Variants in TBC1D16 observed in about 807,000 individuals in gnomAD.
The protein encoded by TBC1D16 is TBC1 domain family member 16, also known as CTD-2529O21.1.
Under a neutral mutation model 74.7 loss-of-function variants are expected in TBC1D16, and 58 were observed. The ratio of observed to expected loss-of-function variants is 0.78; its 90% CI spans 0.63 to 0.97. The LOEUF is 0.97. Ranked by LOEUF, TBC1D16 falls within the 50% of genes least tolerant of loss-of-function variation. TBC1D16 has a pLI of 0.00. For synonymous variants in TBC1D16, 493 were observed against 474.7 expected (o/e 1.04, Z -0.50); for missense variants, 1,014 against 1,079.5 (o/e 0.94, Z 0.85).
At chr17:79,945,352 G>C (rs1038057582) in intron 9 of TBC1D16, among the ~76,000 whole-genome samples, 2 of 152,184 alleles carry the variant, frequency 1.3e-5, no homozygotes. Context: ...TGTTGTGCCC[G>C]GGCGTGGCAG....
chr17:79,964,396 T>C lies in TBC1D16; in HGVS notation c.780-11578A>G, dbSNP rs142642754. On this transcript the variant is annotated intron_variant, in intron 3 of 11. Transcript: ENST00000310924. ...CATTCTGTGAGTGATCTTTATACTC[T>C]GCTGATAGTATATTTTGATGCGCAC... Among the ~76,000 whole-genome samples, 1,443 of 152,374 alleles carry C rather than the reference T, an allele frequency of 9.5e-3. 20 individuals are homozygous for C. Among genetic ancestry groups the C allele is most frequent in the African/African-American group, 0.033 (1,360 of 41,580 alleles).
intron 4 of TBC1D16, chr17:79,952,261 A>G (rs1225141650): frequency 5.8e-6 from 1 of 173,062 alleles, no homozygotes; most frequent in Non-Finnish European, 1.2e-5. Flanking sequence ...ACCCATCACG[A>G]AAGGAAGGGA....
At chr17:79,945,835 C>G (rs866425300) in intron 9 of TBC1D16, among the ~76,000 whole-genome samples, 12 of 152,370 alleles carry the variant, frequency 7.9e-5, no homozygotes, top group African/African-American at 2.9e-4. Flanking sequence ...GTTCAGCCCC[C>G]CGGCCCAGGT....
intron 3 of TBC1D16, among the ~76,000 whole-genome samples, chr17:79,959,107 C>T (rs775569910): frequency 6.6e-6 from 1 of 152,172 alleles, no homozygotes; most frequent in African/African-American, 2.4e-5. Context: ...TAACAATGCA[C>T]AATTGGAACA....
intron 3 of TBC1D16, among the ~76,000 whole-genome samples, chr17:79,974,635 A>G (rs913883803): frequency 6.6e-5 from 10 of 152,196 alleles, no homozygotes; most frequent in African/African-American, 2.4e-4. Flanking sequence ...TATTGCAACT[A>G]AAAACCAAAA....
rs577579063 is a variant in TBC1D16, at chr17:80,000,220, C to T, written c.779+9940G>A. Among the ~76,000 whole-genome samples the T allele has an allele frequency of 1.8e-3, 267 of 152,250 alleles. 2 individuals are homozygous for T. Among genetic ancestry groups the T allele is most frequent in the African/African-American group, 6.0e-3 (251 of 41,536 alleles). On this transcript the variant is annotated intron_variant, in intron 3 of 11. Coordinates refer to ENST00000310924, the MANE Select transcript of TBC1D16 (RefSeq NM_019020.4). This position sits in a 1 kb window ranked among gnomAD's most constrained non-coding sequence, Gnocchi z 4.1. ...GCATATGCCGCGGTGAACAGTGCTC[C>T]CCCAAGATTCATGTCCACACAGAAG...
At chr17:80,029,721 A>G (rs2036709900) in intron 1 of TBC1D16, among the ~76,000 whole-genome samples, 1 of 152,208 alleles carries the variant, frequency 6.6e-6, no homozygotes, top group African/African-American at 2.4e-5. Flanking sequence ...GAAAGCCCTC[A>G]TTCCACGCGT....
rs1410973601 is a variant in TBC1D16 at position 79,975,660 on chromosome 17, A to G, written c.780-22842T>C. Among the ~76,000 whole-genome samples the G allele has an allele frequency of 3.9e-5, 6 of 152,098 alleles. No homozygotes were observed. In the East Asian group the frequency reaches 1.2e-3, roughly 29 times the overall value. On this transcript the variant is annotated intron_variant, in intron 3 of 11. Coordinates refer to ENST00000310924, the MANE Select transcript of TBC1D16 (RefSeq NM_019020.4). The surrounding 1 kb of genome is among the most constrained non-coding windows in gnomAD (Gnocchi z 4.5). The stretch of plus-strand genomic sequence containing the variant: ...GGTCCACCCTGAAGTGAAAAGACAA[A>G]TATCATTTTTCCTCCAGTTTGCAAC...
At chr17:79,943,413 GGGC>G (rs2032203853) in intron 10 of TBC1D16, among the ~76,000 whole-genome samples, 2 of 152,172 alleles carry the variant, frequency 1.3e-5, no homozygotes, top group Non-Finnish European at 2.9e-5. Flanking sequence ...AGGACAGGCA[GGGC>G]GTAGGGCCGT....
rs981988231 is a variant in TBC1D16, at chr17:79,983,703, C to T, written c.779+26457G>A. On this transcript the variant is annotated intron_variant, in intron 3 of 11. Coordinates refer to ENST00000310924, the MANE Select transcript of TBC1D16 (RefSeq NM_019020.4). This position sits in a 1 kb window ranked among gnomAD's most constrained non-coding sequence, Gnocchi z 5.6. ...GTGGTTCCTTCTGGAGACCGGGGCA[C>T]GGAACGACCAGACTGGGGAGGAAGG... 5.9e-5 allele frequency among the ~76,000 whole-genome samples: 9 copies of T among 152,110 alleles called. No homozygotes were observed. Among genetic ancestry groups the T allele is most frequent in the Admixed American group, 1.3e-4 (2 of 15,276 alleles).
At chr17:79,965,604 G>C (rs769519873) in intron 3 of TBC1D16, among the ~76,000 whole-genome samples, 1 of 152,110 alleles carries the variant, frequency 6.6e-6, no homozygotes, top group Non-Finnish European at 1.5e-5. Flanking sequence ...TAAGGAGACC[G>C]AGGCCAGGAA....
At position 79,933,908 on chromosome 17, in the gene TBC1D16, C is replaced by G. The variant is rs2031419512; in HGVS notation, c.*6951G>C. ...ATGAATGATGTGGAAGGAGCCAGAACAGGGCTGCAGACAGGATGCTCTCTC... is the reference window on the plus strand; with the variant it reads ...ATGAATGATGTGGAAGGAGCCAGAAGAGGGCTGCAGACAGGATGCTCTCTC... On this transcript the variant is annotated 3_prime_UTR_variant, in exon 12 of 12. Transcript: ENST00000310924. The G allele has an allele frequency of 6.6e-6, 1 of 152,268 alleles. No homozygotes were observed. Among genetic ancestry groups the G allele is most frequent in the South Asian group, 2.1e-4 (1 of 4,830 alleles). 9.4% of individuals were successfully genotyped at this position (152,268 alleles called of 1,614,324 possible).
At position 79,952,863 on chromosome 17, in the gene TBC1D16, C is replaced by T. The variant is rs1598340845; in HGVS notation, c.780-45G>A. On this transcript the variant is annotated intron_variant, in intron 3 of 11. Coordinates refer to ENST00000310924, the MANE Select transcript of TBC1D16 (RefSeq NM_019020.4). ...GATGATCGCCACACTTCTCCCTGCC[C>T]ACACTACCCAGAGGGGGACGGGGGT... 3 of 1,569,830 alleles carry T rather than the reference C, an allele frequency of 1.9e-6. No individual in the cohort carries two copies. In the East Asian group the frequency reaches 6.8e-5, roughly 36 times the overall value.
At chr17:79,969,463 TA>T (rs563407572) in intron 3 of TBC1D16, among the ~76,000 whole-genome samples, 9 of 152,098 alleles carry the variant, frequency 5.9e-5, no homozygotes, top group Middle Eastern at 3.4e-3. Context: ...ATGGCTATAA[TA>T]AAAAAATGGG....
At position 79,948,900 on chromosome 17, in the gene TBC1D16, C is replaced by T; in HGVS notation, c.1513G>A (p.Glu505Lys). The T allele has an allele frequency of 6.2e-7, 1 of 1,613,978 alleles. No individual in the cohort carries two copies. Among genetic ancestry groups the T allele is most frequent in the Non-Finnish European group, 8.5e-7 (1 of 1,179,934 alleles). The change falls in exon 8 of 12, where the codon GAA becomes AAA. Residue 505 changes from glutamate to lysine, a missense_variant. Transcript: ENST00000310924. ...TDRNNQFFRG[E>K]DNPNVESMRR... ...ATGCTCTCCACATTGGGATTGTCTT[C>T]CCCCCGGAAGAACTGGTTGTTCCGA... is the stretch of plus-strand genomic sequence containing the variant.
Position 79,994,445 on chromosome 17 carries a change from C to G in TBC1D16, c.779+15715G>C, listed in dbSNP as rs1003361685. Reference sequence around the variant, plus strand: ...TGTTTTGTTTATTTTTTTATTGAGACGAAGTCTCACTCTTGTCCCCCAGGC... The same window carrying G: ...TGTTTTGTTTATTTTTTTATTGAGAGGAAGTCTCACTCTTGTCCCCCAGGC... On this transcript the variant is annotated intron_variant, in intron 3 of 11. Transcript: ENST00000310924. The surrounding 1 kb of genome is among the most constrained non-coding windows in gnomAD (Gnocchi z 4.6). 6.6e-6 allele frequency among the ~76,000 whole-genome samples: 1 copy of G among 152,164 alleles called. No individual in the cohort carries two copies. Among genetic ancestry groups the G allele is most frequent in the African/African-American group, 2.4e-5 (1 of 41,436 alleles).
intron 3 of TBC1D16, among the ~76,000 whole-genome samples, chr17:79,955,927 C>T (rs2033313048): frequency 6.6e-6 from 1 of 152,240 alleles, no homozygotes; most frequent in Non-Finnish European, 1.5e-5. Context: ...CCTGTCTCTC[C>T]ACCCCTGAAT....
chr17:79,943,346 G>A (rs192802875), intron 10 of TBC1D16, among the ~76,000 whole-genome samples: 1 of 152,166 alleles, frequency 6.6e-6, no homozygotes, highest in Non-Finnish European at 1.5e-5. Flanking sequence ...AATGTGGGGA[G>A]GGAGAGGGAG....
chr17:80,008,887 T>G lies in TBC1D16; in HGVS notation c.779+1273A>C, dbSNP rs1221562720. ...AGGCCAGCAAAGCCTGTGTCCTTACTTCATGCCCCACCACTCCCCGGCTTA... is the reference window on the plus strand; with the variant it reads ...AGGCCAGCAAAGCCTGTGTCCTTACGTCATGCCCCACCACTCCCCGGCTTA... On this transcript the variant is annotated intron_variant, in intron 3 of 11. Coordinates refer to ENST00000310924, the MANE Select transcript of TBC1D16 (RefSeq NM_019020.4). This position sits in a 1 kb window ranked among gnomAD's most constrained non-coding sequence, Gnocchi z 4.5. Among the ~76,000 whole-genome samples, 2 of 152,228 alleles carry G rather than the reference T, an allele frequency of 1.3e-5. No individual in the cohort carries two copies. Among genetic ancestry groups the G allele is most frequent in the African/African-American group, 4.8e-5 (2 of 41,462 alleles).
Sources: allele counts gnomAD v4.1 joint callset (sites outside exome capture counted in the v4.1 genomes callset), GRCh38; gene constraint gnomAD v4.1.1; non-coding constraint Gnocchi (gnomAD v3.1); transcripts MANE v1.5; gene names NCBI Gene and HGNC (gene_info 2026-07-23, HGNC 2026-07-21).